IL6ST: variants seen among roughly 807,000 people sequenced by gnomAD.
The protein encoded by IL6ST is interleukin-6 receptor subunit beta.
In IL6ST, 24 loss-of-function variants were observed where a neutral mutation model predicts 91.3. That is an observed-to-expected ratio of 0.26 (90% CI 0.19 to 0.37). The LOEUF (loss-of-function observed/expected upper bound fraction) is 0.37. Ranked by LOEUF, IL6ST falls within the 10% of genes least tolerant of loss-of-function variation. The pLI is 1.00. For missense variants in IL6ST, 914 were observed against 1,078.5 expected, an observed-to-expected ratio of 0.85 and a Z score of 2.14; for synonymous variants, 351 against 373.6, an observed-to-expected ratio of 0.94 and a Z score of 0.70.
intron 9 of IL6ST, 112 bp downstream of exon 9, chr5:55,957,097 G>A: frequency 1.9e-6 from 1 of 523,436 alleles, no homozygotes; most frequent in Non-Finnish European, 3.4e-6. Context: ...GGCAGAGGTT[G>A]CAGTGAGCCA....
At chr5:55,958,471 G>C (rs985221550) in intron 8 of IL6ST, among the ~76,000 whole-genome samples, 4 of 152,042 alleles carry the variant, frequency 2.6e-5, no homozygotes, top group African/African-American at 9.7e-5. Context: ...GGCATTAACT[G>C]ATTTCTCAAA....
intron 1 of IL6ST, among the ~76,000 whole-genome samples, chr5:55,991,677 A>T (rs1273197368): frequency 6.6e-6 from 1 of 151,836 alleles, no homozygotes; most frequent in Non-Finnish European, 1.5e-5. Context: ...CTATTTAAGA[A>T]CCTAAAATTT....
chr5:55,942,625 A>AT, intron 16 of IL6ST, 45 bp downstream of exon 16: 1 of 997,384 alleles, frequency 1.0e-6, no homozygotes, highest in Admixed American at 1.8e-5. Context: ...TATACCTACT[A>AT]ACATGTCTGT....
At chr5:55,969,081 G>GCTACTTGGGAGGCTGAGGCAGGAGGGA (rs1752803287) in intron 4 of IL6ST, among the ~76,000 whole-genome samples, 1 of 151,880 alleles carries the variant, frequency 6.6e-6, no homozygotes, top group Non-Finnish European at 1.5e-5. Context: ...TGTAGTCCCA[G>GCTACTTGGGAGGCTGAGGCAGGAGGGA]CTACTTGGGA....
chr5:55,986,480 C>A (rs1753977295), intron 1 of IL6ST, among the ~76,000 whole-genome samples: 1 of 152,116 alleles, frequency 6.6e-6, no homozygotes, highest in East Asian at 1.9e-4. Flanking sequence ...TAAGTGGCAT[C>A]TTTAGGGGGT....
intron 11 of IL6ST, among the ~76,000 whole-genome samples, chr5:55,954,538 TCTCTATA>T (rs1378064947): frequency 7.2e-5 from 11 of 152,210 alleles, no homozygotes; most frequent in Non-Finnish European, 1.5e-4. Context: ...CTCTTATATT[TCTCTATA>T]CTCTATAGTT....
intron 5 of IL6ST, 66 bp from the exon 6 acceptor site, chr5:55,964,378 T>A: frequency 1.7e-6 from 2 of 1,190,930 alleles, no homozygotes; most frequent in South Asian, 1.4e-5. Context: ...GTGAAAAAAA[T>A]TACTTGCAAA....
chr5:55,966,664 GAGAT>G (rs576820725), intron 5 of IL6ST, among the ~76,000 whole-genome samples: 46 of 152,114 alleles, frequency 3.0e-4, no homozygotes, highest in Non-Finnish European at 6.6e-4. Context: ...ACATAAAAAA[GAGAT>G]AGATTGAGAG....
intron 1 of IL6ST, among the ~76,000 whole-genome samples, chr5:55,985,083 G>A (rs538826227): frequency 7.2e-5 from 11 of 152,262 alleles, no homozygotes; most frequent in African/African-American, 2.6e-4. Flanking sequence ...TTAGAAAATG[G>A]ATTTACGCAT....
At chr5:55,987,150 G>A (rs953821009) in intron 1 of IL6ST, among the ~76,000 whole-genome samples, 2 of 152,198 alleles carry the variant, frequency 1.3e-5, no homozygotes, top group Non-Finnish European at 2.9e-5. Context: ...GGGTGACAGA[G>A]TGAGACTGGC....
chr5:55,973,070 G>C (rs1753059598), intron 3 of IL6ST, among the ~76,000 whole-genome samples: 1 of 151,356 alleles, frequency 6.6e-6, no homozygotes, highest in Middle Eastern at 3.4e-3. Flanking sequence ...TGAACATTAT[G>C]AAATTGCTGA....
Position 55,940,470 on chromosome 5 carries a change from T to C in IL6ST, c.*612A>G. The C allele has an allele frequency of 4.7e-6, 1 of 211,812 alleles. No individual in the cohort carries two copies. Among genetic ancestry groups the C allele is most frequent in the Non-Finnish European group, 9.6e-6 (1 of 104,342 alleles). 13.1% of individuals were successfully genotyped at this position (211,812 alleles called of 1,614,324 possible). ...GCCAAGTTAAAGCTCTAGAATTCCTTTTCTCCAGTAATAACTCGCAGCATC... is the reference window on the plus strand; with the variant it reads ...GCCAAGTTAAAGCTCTAGAATTCCTCTTCTCCAGTAATAACTCGCAGCATC... On this transcript the variant is annotated 3_prime_UTR_variant, in exon 17 of 17. Coordinates refer to ENST00000381298, the MANE Select transcript of IL6ST (RefSeq NM_002184.4).
rs979376661 is a variant in IL6ST at position 55,936,351 on chromosome 5, T to C, written c.*4731A>G. 6.1e-5 allele frequency: 13 copies of C among 211,600 alleles called. No individual in the cohort carries two copies. The highest frequency in any genetic ancestry group is 3.1e-4 in the African/African-American group (13 of 42,482). The allele number at this position is 211,600 out of a possible 1,614,324, so 13.1% of individuals were successfully genotyped here. ...TTGACAACCAAGTAGGTTTTTTTTT[T>C]TTTTTTTTTTTTTAATGTCCACTAG... is the stretch of plus-strand genomic sequence containing the variant. On this transcript the variant is annotated 3_prime_UTR_variant, in exon 17 of 17. Coordinates refer to ENST00000381298, the MANE Select transcript of IL6ST (RefSeq NM_002184.4).
intron 3 of IL6ST, among the ~76,000 whole-genome samples, chr5:55,971,028 C>G (rs1451875235): frequency 6.6e-6 from 1 of 152,230 alleles, no homozygotes. Flanking sequence ...CAATCCCTAT[C>G]TCTAGCACTA....
At chr5:55,978,519 A>G (rs1358671095) in intron 2 of IL6ST, 1 of 152,218 alleles carries the variant, frequency 6.6e-6, no homozygotes, top group African/African-American at 2.4e-5. Context: ...TGAGGTCAGG[A>G]GTTCAAGACC....
chr5:55,982,757 G>A lies in IL6ST; in HGVS notation c.-49C>T. 2.5e-6 allele frequency: 1 copy of A among 398,328 alleles called. No individual in the cohort carries two copies. The highest frequency in any genetic ancestry group is 4.4e-6 in the Non-Finnish European group (1 of 225,944). 24.7% of individuals were successfully genotyped at this position (398,328 alleles called of 1,614,324 possible). A position where few individuals can be genotyped will look rare whatever the true frequency, so the allele number is the denominator to read the frequency against. On this transcript the variant is annotated 5_prime_UTR_variant, in exon 2 of 17. Transcript: ENST00000381298. ...CAAAATTAGTAAGTGAAGGAGTAGGGATTTGAAGCTAAGTCTTCTACTTCT... is the reference window on the plus strand; with the variant it reads ...CAAAATTAGTAAGTGAAGGAGTAGGAATTTGAAGCTAAGTCTTCTACTTCT...
Position 55,947,476 on chromosome 5 carries a change from T to C in IL6ST, c.1937+17A>G, listed in dbSNP as rs1348391505. 7.2e-7 allele frequency: 1 copy of C among 1,387,742 alleles called. No individual in the cohort carries two copies. Among genetic ancestry groups the C allele is most frequent in the Non-Finnish European group, 1.0e-6 (1 of 998,312 alleles). The allele number at this position is 1,387,742 out of a possible 1,614,324, so 86.0% of individuals were successfully genotyped here. The stretch of plus-strand genomic sequence containing the variant: ...AAAGCTGGGGGAAAATGCAAAAATA[T>C]GAATAAAGTTACTTACAGGTCTCGC... On this transcript the variant is annotated intron_variant, in intron 15 of 16. Transcript: ENST00000381298.
At chr5:55,955,780 G>T (rs1459561345) in intron 10 of IL6ST, among the ~76,000 whole-genome samples, 1 of 152,170 alleles carries the variant, frequency 6.6e-6, no homozygotes, top group Non-Finnish European at 1.5e-5. Context: ...CAGCACTTTG[G>T]GAGGCCAGGG....
intron 6 of IL6ST, 88 bp downstream of exon 6, chr5:55,964,058 A>C: frequency 1.6e-6 from 1 of 615,274 alleles, no homozygotes; most frequent in Non-Finnish European, 2.5e-6. Flanking sequence ...TCTACATTAA[A>C]ATCTTAAAAA....
Sources: gnomAD v4.1 joint callset for allele counts (sites outside exome capture counted in the v4.1 genomes callset) on GRCh38, gnomAD v4.1.1 for gene constraint, MANE v1.5 for transcripts, NCBI Gene and HGNC (gene_info 2026-07-23, HGNC 2026-07-21) for gene names.